The following TMEM117 variants were observed in gnomAD, a reference collection of about 807,000 sequenced individuals.
TMEM117 encodes transmembrane protein 117.
Under a neutral mutation model 52.4 loss-of-function variants are expected in TMEM117, and 27 were observed. The ratio of observed to expected loss-of-function variants is 0.51; its 90% CI spans 0.38 to 0.71. TMEM117 has a LOEUF of 0.71. TMEM117 is among the 30% of genes least tolerant of loss of function. The probability of loss-of-function intolerance (pLI) is 0.00; values close to 1 mark genes in which losing one functional copy is unlikely to be tolerated. For missense variants in TMEM117, 556 were observed against 630.5 expected, an observed-to-expected ratio of 0.88 and a Z score of 1.26; for synonymous variants, 215 against 206.3, an observed-to-expected ratio of 1.04 and a Z score of -0.36.
intron 2 of TMEM117, 56 bp from the exon 3 acceptor site, chr12:43,944,154 A>ATC (rs1945089585): frequency 5.3e-5 from 76 of 1,443,880 alleles, no homozygotes; most frequent in Admixed American, 1.4e-4. Context: ...TAAAGCAAAG[A>ATC]TCCATGAATT....
At chr12:44,049,617 G>A (rs1946938257) in intron 3 of TMEM117, among the ~76,000 whole-genome samples, 1 of 151,270 alleles carries the variant, frequency 6.6e-6, no homozygotes, top group Non-Finnish European at 1.5e-5. Context: ...CTTGCATGTG[G>A]GACATTATGT....
intron 5 of TMEM117, among the ~76,000 whole-genome samples, chr12:44,235,105 G>A (rs1280527945): frequency 6.6e-6 from 1 of 151,432 alleles, no homozygotes; most frequent in African/African-American, 2.4e-5. Flanking sequence ...ATTTTTCTTA[G>A]TATTTTGAGG....
intron 3 of TMEM117, among the ~76,000 whole-genome samples, chr12:44,114,988 G>A (rs1948112797): frequency 6.6e-6 from 1 of 152,010 alleles, no homozygotes. Flanking sequence ...AATTATGAAT[G>A]AATTTTCAGA....
Position 43,871,093 on chromosome 12 carries a change from G to GT in TMEM117, c.277+26178dup, listed in dbSNP as rs1180740349. ...AGCCACTGCACCCAGCCTTCTTTTT[G>GT]TTTTTTTTTTTTTGTTTGTTTGTTT... is the stretch of plus-strand genomic sequence containing the variant. On this transcript the variant is annotated intron_variant, in intron 2 of 7. Coordinates refer to ENST00000266534, the MANE Select transcript of TMEM117 (RefSeq NM_032256.3). Among the ~76,000 whole-genome samples, 310 of 146,762 alleles carry GT rather than the reference G, an allele frequency of 2.1e-3. 2 individuals carry two copies. Among genetic ancestry groups the GT allele is most frequent in the African/African-American group, 6.6e-3 (257 of 38,974 alleles).
intron 4 of TMEM117, among the ~76,000 whole-genome samples, chr12:44,163,939 C>A (rs1325376997): frequency 6.6e-6 from 1 of 152,050 alleles, no homozygotes; most frequent in Non-Finnish European, 1.5e-5. Flanking sequence ...AGCATTGAGC[C>A]CTATATTGGC....
chr12:44,303,269 G>T (rs897251274), intron 6 of TMEM117, among the ~76,000 whole-genome samples: 1 of 151,538 alleles, frequency 6.6e-6, no homozygotes, highest in Non-Finnish European at 1.5e-5. Context: ...GGCTGGTCCC[G>T]AACTCCCAAC....
intron 5 of TMEM117, among the ~76,000 whole-genome samples, chr12:44,293,778 A>G (rs1465587322): frequency 1.3e-5 from 2 of 152,160 alleles, no homozygotes; most frequent in Non-Finnish European, 2.9e-5. Context: ...TAGTGTATCT[A>G]TAGTTATTTT....
intron 4 of TMEM117, among the ~76,000 whole-genome samples, chr12:44,154,036 C>A (rs1948791494): frequency 6.6e-6 from 1 of 151,960 alleles, no homozygotes; most frequent in Admixed American, 6.6e-5. Flanking sequence ...TAAATAACTT[C>A]TTTTTTTCCT....
At chr12:44,010,524 C>A (rs74367748) in intron 3 of TMEM117, among the ~76,000 whole-genome samples, 1 of 150,950 alleles carries the variant, frequency 6.6e-6, no homozygotes, top group Non-Finnish European at 1.5e-5. Context: ...ATTCCTCGGT[C>A]GACGTCTGTC....
At chr12:44,037,581 C>T (rs905089169) in intron 3 of TMEM117, among the ~76,000 whole-genome samples, 1 of 152,164 alleles carries the variant, frequency 6.6e-6, no homozygotes, top group Admixed American at 6.5e-5. Flanking sequence ...GGGCCTGAAG[C>T]CTGGGGGCCT....
At chr12:43,832,131 T>C (rs1462292129), upstream of TMEM117, among the ~76,000 whole-genome samples, 1 of 152,132 alleles carries the variant, frequency 6.6e-6, no homozygotes, top group Non-Finnish European at 1.5e-5. Flanking sequence ...TCTTGGTTTC[T>C]TTTTGGAACT....
intron 5 of TMEM117, among the ~76,000 whole-genome samples, chr12:44,212,000 C>T (rs1949652004): frequency 6.6e-6 from 1 of 152,182 alleles, no homozygotes; most frequent in Non-Finnish European, 1.5e-5. Context: ...ACTCCCCAAG[C>T]ACAATGATTC....
chr12:43,893,179 A>G (rs1478921308), intron 2 of TMEM117, among the ~76,000 whole-genome samples: 1 of 152,248 alleles, frequency 6.6e-6, no homozygotes, highest in Non-Finnish European at 1.5e-5. Context: ...TAAAATTCTC[A>G]AAGCATTTTG....
intron 4 of TMEM117, among the ~76,000 whole-genome samples, chr12:44,181,494 G>C (rs1335353230): frequency 6.6e-6 from 1 of 150,400 alleles, no homozygotes; most frequent in Non-Finnish European, 1.5e-5. Flanking sequence ...TAGGTCTAAC[G>C]TTTAAGTCCT....
chr12:43,951,251 T>C (rs1198107794), intron 3 of TMEM117, among the ~76,000 whole-genome samples: 1 of 152,170 alleles, frequency 6.6e-6, no homozygotes, highest in African/African-American at 2.4e-5. Flanking sequence ...TGCAGGAGTT[T>C]TTTACATACT....
chr12:44,082,669 G>A (rs1947501249), intron 3 of TMEM117, among the ~76,000 whole-genome samples: 1 of 151,944 alleles, frequency 6.6e-6, no homozygotes, highest in Non-Finnish European at 1.5e-5. Flanking sequence ...AGCCTTTAAA[G>A]ACATTAAAAT....
chr12:44,153,898 A>G (rs531850197), intron 4 of TMEM117, among the ~76,000 whole-genome samples: 4 of 152,166 alleles, frequency 2.6e-5, no homozygotes, highest in South Asian at 2.1e-4. Context: ...TTATGTTTCA[A>G]GAGATTAAAG....
chr12:43,864,794 G>C (rs1943556053), intron 2 of TMEM117, among the ~76,000 whole-genome samples: 2 of 151,732 alleles, frequency 1.3e-5, no homozygotes, highest in Admixed American at 6.6e-5. Context: ...GGAGCCAGCA[G>C]GGGGTCCACA....
intron 2 of TMEM117, among the ~76,000 whole-genome samples, chr12:43,936,450 G>A (rs1944953271): frequency 6.6e-6 from 1 of 152,088 alleles, no homozygotes; most frequent in Admixed American, 6.6e-5. Context: ...GTGGGCAGCT[G>A]ACTTCCAGTG....
Sources: gnomAD v4.1 joint callset for allele counts (sites outside exome capture counted in the v4.1 genomes callset) on GRCh38, gnomAD v4.1.1 for gene constraint, MANE v1.5 for transcripts, NCBI Gene and HGNC (gene_info 2026-07-23, HGNC 2026-07-21) for gene names.